The following NSD3 variants were observed in gnomAD, a reference collection of about 807,000 sequenced individuals.
The protein encoded by NSD3 is histone-lysine N-methyltransferase NSD3.
In NSD3, 24 loss-of-function variants were observed where a neutral mutation model predicts 160.8. That is an observed-to-expected ratio of 0.15 (90% CI 0.11 to 0.21). The LOEUF (loss-of-function observed/expected upper bound fraction) is 0.21. Ranked by LOEUF, NSD3 falls within the 10% of genes least tolerant of loss-of-function variation. The pLI is 1.00. For missense variants in NSD3, 1,157 were observed against 1,735.9 expected, an observed-to-expected ratio of 0.67 and a Z score of 5.93; for synonymous variants, 520 against 600.0, an observed-to-expected ratio of 0.87 and a Z score of 1.95.
chr8:38,325,842 G>C (rs751943863), intron 7 of NSD3, among the ~76,000 whole-genome samples: 3 of 149,060 alleles, frequency 2.0e-5, no homozygotes, highest in Non-Finnish European at 4.4e-5. Context: ...GCATGACAGA[G>C]TGAGACCCCG....
intron 3 of NSD3, chr8:38,337,695 A>C: frequency 3.0e-6 from 1 of 332,016 alleles, no homozygotes; most frequent in Non-Finnish European, 5.4e-6. Flanking sequence ...AAGGGTCAAA[A>C]AACATCAGAA....
chr8:38,309,278 G>A (rs1336731596), intron 12 of NSD3, among the ~76,000 whole-genome samples: 1 of 152,144 alleles, frequency 6.6e-6, no homozygotes, highest in Non-Finnish European at 1.5e-5. Flanking sequence ...GGCTAGCCTG[G>A]CCAACATGGC....
At chr8:38,346,037 C>G (rs1435690895) in intron 2 of NSD3, among the ~76,000 whole-genome samples, 1 of 151,924 alleles carries the variant, frequency 6.6e-6, no homozygotes, top group Non-Finnish European at 1.5e-5. Context: ...GTTTTAGAAT[C>G]TCATTGCAAA....
intron 1 of NSD3, among the ~76,000 whole-genome samples, chr8:38,352,106 T>C (rs1810717545): frequency 6.6e-6 from 1 of 151,976 alleles, no homozygotes; most frequent in Non-Finnish European, 1.5e-5. Flanking sequence ...TATTAATAGA[T>C]TAATAATAGA....
At chr8:38,364,824 A>G (rs1811069348) in intron 1 of NSD3, among the ~76,000 whole-genome samples, 1 of 152,238 alleles carries the variant, frequency 6.6e-6, no homozygotes, top group Non-Finnish European at 1.5e-5. Flanking sequence ...AGCCCCTCAT[A>G]GCCATCACAA....
intron 18 of NSD3, among the ~76,000 whole-genome samples, chr8:38,289,136 C>G (rs1231754374): frequency 6.6e-6 from 1 of 152,206 alleles, no homozygotes; most frequent in Non-Finnish European, 1.5e-5. Context: ...CATGTTGCTA[C>G]TAGGTATGAG....
chr8:38,299,874 A>C (rs1181632255), intron 14 of NSD3: 1 of 262,912 alleles, frequency 3.8e-6, no homozygotes, highest in Non-Finnish European at 7.1e-6. Context: ...CATACAGAAA[A>C]CCCCTTAGGG....
rs11290856 is a variant in NSD3 at position 38,293,922 on chromosome 8, C to CAAAAA, written c.2915+1869_2915+1873dup. 2.2e-3 allele frequency among the ~76,000 whole-genome samples: 111 copies of CAAAAA among 49,954 alleles called. 6 individuals are homozygous for CAAAAA. The highest frequency in any genetic ancestry group is 6.3e-3 in the African/African-American group (68 of 10,818). 32.8% of individuals were successfully genotyped at this position (49,954 alleles called of 152,430 possible). A position where few individuals can be genotyped will look rare whatever the true frequency, so the allele number is the denominator to read the frequency against. ...TGGGTGACAGAGTGAGACTCCGTCT[C>CAAAAA]AAAAAAAAAAAAAAAAAAAAAAAAA... On this transcript the variant is annotated intron_variant, in intron 16 of 23. Coordinates refer to ENST00000317025, the MANE Select transcript of NSD3 (RefSeq NM_023034.2).
At chr8:38,299,175 C>T (rs1254767233) in intron 15 of NSD3, among the ~76,000 whole-genome samples, 1 of 152,124 alleles carries the variant, frequency 6.6e-6, no homozygotes, top group Non-Finnish European at 1.5e-5. Context: ...TGACCAAAAT[C>T]CTAGTCTTCC....
chr8:38,305,054 A>G (rs571578768), intron 13 of NSD3, among the ~76,000 whole-genome samples, 194 bp downstream of exon 13: 10 of 152,164 alleles, frequency 6.6e-5, no homozygotes, highest in Non-Finnish European at 1.5e-4. Flanking sequence ...AACACATGGA[A>G]TTTTCTTCTC....
intron 12 of NSD3, among the ~76,000 whole-genome samples, chr8:38,309,481 A>T (rs1034373120): frequency 1.9e-4 from 29 of 152,100 alleles, no homozygotes; most frequent in Admixed American, 1.5e-3. Flanking sequence ...AAATAAATAA[A>T]TAATTAATTA....
At chr8:38,330,354 A>G (rs751457404) in intron 5 of NSD3, among the ~76,000 whole-genome samples, 3 of 152,180 alleles carry the variant, frequency 2.0e-5, no homozygotes, top group African/African-American at 7.2e-5. Context: ...TTGAACCACA[A>G]TGCATGCAGG....
At position 38,320,271 on chromosome 8, in the gene NSD3, G is replaced by A. The variant is rs958992156; in HGVS notation, c.1809+801C>T. 4 of 151,938 alleles carry A rather than the reference G, an allele frequency of 2.6e-5. No individual in the cohort carries two copies. The South Asian group carries it at 6.2e-4, about 24-fold the overall frequency. The allele number at this position is 151,938 out of a possible 1,614,324, so 9.4% of individuals were successfully genotyped here. A position where few individuals can be genotyped will look rare whatever the true frequency, so the allele number is the denominator to read the frequency against. ...AAGCTCACATTCTTCCATATAAATG[G>A]TTTAAAAAATATAAAACTTATTGGA... is the stretch of plus-strand genomic sequence containing the variant. On this transcript the variant is annotated intron_variant, in intron 8 of 23. Coordinates refer to ENST00000317025, the MANE Select transcript of NSD3 (RefSeq NM_023034.2).
At chr8:38,354,083 A>C (rs1305057446) in intron 1 of NSD3, among the ~76,000 whole-genome samples, 1 of 152,190 alleles carries the variant, frequency 6.6e-6, no homozygotes, top group East Asian at 1.9e-4. Flanking sequence ...AGCTTCCCAG[A>C]CTAGAAATCT....
chr8:38,356,142 A>G (rs1259173042), intron 1 of NSD3, among the ~76,000 whole-genome samples: 1 of 152,228 alleles, frequency 6.6e-6, no homozygotes, highest in Non-Finnish European at 1.5e-5. Flanking sequence ...AAGTAAATGA[A>G]ATCACCACAC....
chr8:38,304,794 C>G lies in NSD3; in HGVS notation c.2441-37G>C, dbSNP rs955952764. On this transcript the variant is annotated intron_variant, in intron 13 of 23. Coordinates refer to ENST00000317025, the MANE Select transcript of NSD3 (RefSeq NM_023034.2). ...CAAGTCAAAAAGGAATCTAATAAGGCATCAGCGGGACATAAAAATAAGTTT... is the reference window on the plus strand; with the variant it reads ...CAAGTCAAAAAGGAATCTAATAAGGGATCAGCGGGACATAAAAATAAGTTT... The G allele has an allele frequency of 4.5e-6, 7 of 1,558,450 alleles. No individual in the cohort carries two copies. In the East Asian group the frequency reaches 1.6e-4, roughly 35 times the overall value.
intron 1 of NSD3, among the ~76,000 whole-genome samples, chr8:38,367,652 C>G (rs1218194927): frequency 6.6e-6 from 1 of 151,996 alleles, no homozygotes; most frequent in African/African-American, 2.4e-5. Flanking sequence ...GTGGAGGTTG[C>G]GGTGAGCTGA....
chr8:38,281,506 C>A lies in NSD3; in HGVS notation c.3579G>T (p.Glu1193Asp). 1 of 1,599,208 alleles carries A rather than the reference C, an allele frequency of 6.3e-7. No homozygotes were observed. Among genetic ancestry groups the A allele is most frequent in the East Asian group, 2.2e-5 (1 of 44,526 alleles). ...ECRLRIKRAH[E>D]NSVTNFYMLT... The stretch of plus-strand genomic sequence containing the variant: ...ACATATAAAAATTAGTTACACTGTT[C>A]TCGTGGGCTCGCTTGATTCGCAATC... The change falls in exon 20 of 24, where the codon GAG (glutamate) becomes GAT (aspartate). Residue 1193 changes from glutamate to aspartate, a missense_variant. Glu to Asp is a conservative substitution (Grantham distance 45, BLOSUM62 2). Transcript: ENST00000317025.
Position 38,317,769 on chromosome 8 carries a change from A to G in NSD3, c.1855+1126T>C. The G allele has an allele frequency of 2.1e-6, 3 of 1,417,200 alleles. No individual in the cohort carries two copies. Among genetic ancestry groups the G allele is most frequent in the Middle Eastern group, 2.6e-4 (1 of 3,806 alleles). 87.8% of individuals were successfully genotyped at this position (1,417,200 alleles called of 1,614,324 possible). ...CCCATCCAGCTCAAACCGAAAAAAA[A>G]AAATCATTTGACTGTTAAAGCAATT... On this transcript the variant is annotated intron_variant, in intron 9 of 23. Transcript: ENST00000317025. This position sits in a 1 kb window ranked among gnomAD's most constrained non-coding sequence, Gnocchi z 5.3.
Sources: gnomAD v4.1 joint callset for allele counts (sites outside exome capture counted in the v4.1 genomes callset) on GRCh38, gnomAD v4.1.1 for gene constraint, Gnocchi (gnomAD v3.1) non-coding constraint, MANE v1.5 for transcripts, NCBI Gene and HGNC (gene_info 2026-07-23, HGNC 2026-07-21) for gene names.